The following CCDC144A variants were observed in gnomAD, a reference collection of about 807,000 sequenced individuals.
CCDC144A encodes the protein coiled-coil domain-containing protein 144A.
In CCDC144A, 41 loss-of-function variants were observed where a neutral mutation model predicts 143.8. The ratio of observed to expected loss-of-function variants is 0.29; its 90% CI spans 0.22 to 0.37. The LOEUF is 0.37. CCDC144A is among the 10% of genes least tolerant of loss of function. CCDC144A has a pLI of 1.00. For missense variants in CCDC144A, 637 were observed against 1,488.8 expected, an observed-to-expected ratio of 0.43 and a Z score of 9.41; for synonymous variants, 242 against 517.9, an observed-to-expected ratio of 0.47 and a Z score of 7.23.
intron 12 of CCDC144A, among the ~76,000 whole-genome samples, chr17:16,757,453 G>C (rs1567608010): frequency 2.0e-5 from 3 of 152,252 alleles, no homozygotes; most frequent in East Asian, 3.8e-4. Context: ...GACTCTCCTT[G>C]GTATTAGTGG....
intron 15 of CCDC144A, among the ~76,000 whole-genome samples, chr17:16,771,468 CAAT>C (rs1417096983): frequency 6.6e-6 from 1 of 152,224 alleles, no homozygotes; most frequent in Non-Finnish European, 1.5e-5. Flanking sequence ...GGCATCACAA[CAAT>C]ACTGCTTTCT....
chr17:16,763,154 TA>T (rs551943690), intron 14 of CCDC144A, among the ~76,000 whole-genome samples: 1 of 151,152 alleles, frequency 6.6e-6, no homozygotes, highest in Non-Finnish European at 1.5e-5. Context: ...TACTAAGTGA[TA>T]AAAAAATAAC....
chr17:16,708,859 G>T lies in CCDC144A; in HGVS notation c.802G>T (p.Val268Leu), dbSNP rs1912208693. ...TAGAGAGGATATACCTATATATCCA[G>T]TACTTCCTCATGTGCAAAAATCTGA... ...CDREDIPIYP[V>L]LPHVQKSEEM... is the part of the protein sequence containing the mutation. Residue 268 changes from valine (V) to leucine (L), a missense_variant, in exon 5 of 17, where the codon GTA becomes TTA. Physicochemically the swap from Val to Leu is conservative, Grantham distance 32. Transcript: ENST00000399273. The T allele has an allele frequency of 6.2e-7, 1 of 1,611,740 alleles. No homozygotes were observed. The highest frequency in any genetic ancestry group is 1.1e-5 in the South Asian group (1 of 90,988).
At chr17:16,679,907 T>A in the CCDC144A span, among the ~76,000 whole-genome samples, 1 of 152,146 alleles carries the variant, frequency 6.6e-6, no homozygotes, top group African/African-American at 2.4e-5. Flanking sequence ...AAATTTCTTT[T>A]CAAAGTAATC....
intron 2 of CCDC144A, among the ~76,000 whole-genome samples, chr17:16,702,228 C>T (rs574570263): frequency 6.6e-6 from 1 of 152,268 alleles, no homozygotes; most frequent in Non-Finnish European, 1.5e-5. Flanking sequence ...AGGTAGTACT[C>T]CCTGGCAACC....
intron 12 of CCDC144A, among the ~76,000 whole-genome samples, chr17:16,743,042 T>C (rs1225746878): frequency 2.0e-5 from 3 of 152,242 alleles, no homozygotes; most frequent in African/African-American, 7.2e-5. Flanking sequence ...ACTTTGTTGA[T>C]TGTTTCCTTT....
At chr17:16,724,787 A>ATTTTT (rs760344292) in intron 8 of CCDC144A, among the ~76,000 whole-genome samples, 12 of 35,104 alleles carry the variant, frequency 3.4e-4, no homozygotes, top group Admixed American at 9.6e-4. Flanking sequence ...GATTAACTGA[A>ATTTTT]TTTTTTTTTT....
the CCDC144A span, among the ~76,000 whole-genome samples, chr17:16,681,869 A>AC: frequency 6.6e-6 from 1 of 152,102 alleles, no homozygotes; most frequent in East Asian, 1.9e-4. Context: ...CAAAAAAAAA[A>AC]AAAGTGTGTT....
At chr17:16,714,935 C>G (rs113054332) in intron 6 of CCDC144A, among the ~76,000 whole-genome samples, 15,166 of 152,248 alleles carry the variant, frequency 0.1, 903 homozygotes, top group Non-Finnish European at 0.13. Flanking sequence ...CACCTCTGCA[C>G]TGGGCAGTTC....
rs1195350452 is a variant in CCDC144A, at chr17:16,690,414, G to T, written c.14G>T (p.Gly5Val). The T allele has an allele frequency of 6.3e-7, 1 of 1,576,162 alleles. No individual in the cohort carries two copies. The highest frequency in any genetic ancestry group is 8.6e-7 in the Non-Finnish European group (1 of 1,159,776). MASW[G>V]GEKRGGAEGS... ...AGCTCGCTACTGATGGCCTCCTGGG[G>T]TGGAGAAAAGCGGGGAGGGGCTGAG... The change falls in exon 1 of 17, where the codon GGT becomes GTT. Residue 5 changes from glycine to valine, a missense_variant. Gly to Val is a moderately radical substitution (Grantham distance 109). Transcript: ENST00000399273.
At chr17:16,765,898 T>C (rs1424392999) in intron 15 of CCDC144A, 2 of 152,276 alleles carry the variant, frequency 1.3e-5, no homozygotes, top group African/African-American at 4.8e-5. Context: ...GATGCAAATA[T>C]AATGTTCTCA....
At chr17:16,755,488 T>C (rs2143338916) in intron 12 of CCDC144A, among the ~76,000 whole-genome samples, 1 of 152,346 alleles carries the variant, frequency 6.6e-6, no homozygotes, top group South Asian at 2.1e-4. Flanking sequence ...TAAGCATTTC[T>C]TGTAGGATCA....
chr17:16,676,212 A>AGT, the CCDC144A span, among the ~76,000 whole-genome samples: 1 of 152,014 alleles, frequency 6.6e-6, no homozygotes, highest in African/African-American at 2.4e-5. Context: ...CTGAAATAAG[A>AGT]GTGTATAATA....
chr17:16,734,647 G>T, intron 11 of CCDC144A, 43 bp from the exon 12 acceptor site: 8 of 1,445,464 alleles, frequency 5.5e-6, no homozygotes, highest in Non-Finnish European at 7.3e-6. Context: ...ATCATAATCT[G>T]TCATTTTATT....
the CCDC144A span, among the ~76,000 whole-genome samples, chr17:16,669,880 T>C: frequency 2.6e-5 from 4 of 152,292 alleles, no homozygotes; most frequent in South Asian, 8.3e-4. Flanking sequence ...GTAGATATTA[T>C]GCCAAAAATT....
chr17:16,682,877 T>A, the CCDC144A span, among the ~76,000 whole-genome samples: 1 of 143,134 alleles, frequency 7.0e-6, no homozygotes, highest in African/African-American at 2.6e-5. Context: ...GATCTCTGGA[T>A]TCTCTGTTTT....
chr17:16,694,004 C>T lies in CCDC144A; in HGVS notation c.415+955C>T, dbSNP rs559589395. 7.8e-3 allele frequency among the ~76,000 whole-genome samples: 1,145 copies of T among 147,360 alleles called. 15 individuals are homozygous for T. The highest frequency in any genetic ancestry group is 0.027 in the African/African-American group (1,099 of 40,780). ...AGAAAATCATAAGGCAGAAAAAATACGCTTACTGTTCATTAAATGCAAGTG... is the reference window on the plus strand; with the variant it reads ...AGAAAATCATAAGGCAGAAAAAATATGCTTACTGTTCATTAAATGCAAGTG... On this transcript the variant is annotated intron_variant, in intron 2 of 16. Transcript: ENST00000399273.
intron 12 of CCDC144A, chr17:16,745,526 G>A: frequency 1.6e-6 from 2 of 1,239,504 alleles, no homozygotes; most frequent in Non-Finnish European, 2.3e-6. Context: ...TTAGCTTCCA[G>A]TTTCCTGGTA....
chr17:16,686,845 C>T (rs938651734), upstream of CCDC144A, among the ~76,000 whole-genome samples: 76 of 151,886 alleles, frequency 5.0e-4, no homozygotes, highest in East Asian at 3.3e-3. Context: ...GGTCCTGGAA[C>T]TGTGACTGAT....
Sources: allele counts gnomAD v4.1 joint callset (sites outside exome capture counted in the v4.1 genomes callset), GRCh38; gene constraint gnomAD v4.1.1; transcripts MANE v1.5; gene names NCBI Gene and HGNC (gene_info 2026-07-23, HGNC 2026-07-21).